ADGRB3: variants seen among roughly 807,000 people sequenced by gnomAD.
ADGRB3 encodes brain-specific angiogenesis inhibitor 3.
In ADGRB3, 37 loss-of-function variants were observed where a neutral mutation model predicts 193.4. The ratio of observed to expected loss-of-function variants is 0.19; its 90% CI spans 0.15 to 0.25. The LOEUF (loss-of-function observed/expected upper bound fraction) is 0.25. ADGRB3 is among the 10% of genes least tolerant of loss of function. ADGRB3 has a pLI of 1.00. For missense variants in ADGRB3, 1,637 were observed against 1,852.9 expected (o/e 0.88, Z 2.14); for synonymous variants, 690 against 644.2 (o/e 1.07, Z -1.08).
intron 15 of ADGRB3, among the ~76,000 whole-genome samples, chr6:69,054,720 T>G (rs1771496053): frequency 6.6e-6 from 1 of 152,200 alleles, no homozygotes; most frequent in Non-Finnish European, 1.5e-5. Flanking sequence ...TCTGATCACT[T>G]GGCATTTTTA....
chr6:68,883,372 A>C (rs2150225303), intron 3 of ADGRB3, among the ~76,000 whole-genome samples: 1 of 152,300 alleles, frequency 6.6e-6, no homozygotes, highest in East Asian at 1.9e-4. Flanking sequence ...GTGGGGTCAG[A>C]TAAGGGAATA....
chr6:68,806,093 T>C (rs1021660718), intron 3 of ADGRB3, among the ~76,000 whole-genome samples: 1 of 152,212 alleles, frequency 6.6e-6, no homozygotes, highest in African/African-American at 2.4e-5. Context: ...ATTTACCAGA[T>C]GTTTAGAAAT....
chr6:68,974,633 T>C (rs1768687008), intron 8 of ADGRB3, 130 bp from the exon 9 acceptor site: 2 of 653,674 alleles, frequency 3.1e-6, no homozygotes, highest in Non-Finnish European at 5.1e-6. Flanking sequence ...AGACCCCATC[T>C]CTAAAAAAAA....
At chr6:69,315,478 C>A (rs927439788) in intron 20 of ADGRB3, among the ~76,000 whole-genome samples, 10 of 151,478 alleles carry the variant, frequency 6.6e-5, no homozygotes, top group African/African-American at 2.4e-4. Context: ...TTATGTATTA[C>A]CTTTGTGCAA....
At chr6:68,788,585 G>A (rs1320409482) in intron 3 of ADGRB3, among the ~76,000 whole-genome samples, 3 of 152,048 alleles carry the variant, frequency 2.0e-5, no homozygotes, top group African/African-American at 4.8e-5. Context: ...TATGTGGTCC[G>A]TTTTGGAGTA....
At chr6:68,807,461 C>G (rs929704043) in intron 3 of ADGRB3, among the ~76,000 whole-genome samples, 3 of 151,844 alleles carry the variant, frequency 2.0e-5, no homozygotes, top group Non-Finnish European at 4.4e-5. Flanking sequence ...AGGATGGTCT[C>G]GATCTCCTGA....
rs1367171114 is a variant in ADGRB3, at chr6:69,075,988, T to C, written c.2437-7T>C. 1.2e-6 allele frequency: 2 copies of C among 1,610,702 alleles called. No individual in the cohort carries two copies. The highest frequency in any genetic ancestry group is 1.1e-5 in the South Asian group (1 of 90,874). The stretch of plus-strand genomic sequence containing the variant: ...ATATATGCATTCTTTCTCTGCTTTT[T>C]TTTTAGGGTACTTTGAATCCCTATT... On this transcript the variant is annotated splice_polypyrimidine_tract_variant and splice_region_variant and intron_variant, in intron 16 of 31. Coordinates refer to ENST00000370598, the MANE Select transcript of ADGRB3 (RefSeq NM_001704.3).
chr6:69,194,884 C>T (rs1222786111), intron 17 of ADGRB3, among the ~76,000 whole-genome samples: 3 of 152,082 alleles, frequency 2.0e-5, no homozygotes, highest in African/African-American at 7.2e-5. Context: ...CTTTCATGTG[C>T]TATTTCATGT....
chr6:69,049,957 A>G (rs1218163945), intron 15 of ADGRB3, among the ~76,000 whole-genome samples: 1 of 152,214 alleles, frequency 6.6e-6, no homozygotes, highest in Non-Finnish European at 1.5e-5. Context: ...CTTATCTACT[A>G]TACCAAATCT....
At chr6:69,162,500 A>G (rs1775024332) in intron 17 of ADGRB3, among the ~76,000 whole-genome samples, 1 of 152,116 alleles carries the variant, frequency 6.6e-6, no homozygotes, top group Admixed American at 6.6e-5. Context: ...CTTCGCCACT[A>G]ACTACATTTC....
At chr6:69,386,393 GA>G (rs1363743105) in intron 31 of ADGRB3, among the ~76,000 whole-genome samples, 1 of 152,038 alleles carries the variant, frequency 6.6e-6, no homozygotes, top group African/African-American at 2.4e-5. Context: ...AGGATTCCCA[GA>G]AATCTCCTTT....
At chr6:69,272,340 T>C (rs1303418002) in intron 20 of ADGRB3, among the ~76,000 whole-genome samples, 2 of 152,170 alleles carry the variant, frequency 1.3e-5, no homozygotes, top group South Asian at 2.1e-4. Flanking sequence ...GAATGCAGTG[T>C]CGTGGTTATT....
At chr6:69,324,591 A>G (rs1283675399) in intron 20 of ADGRB3, among the ~76,000 whole-genome samples, 1 of 152,212 alleles carries the variant, frequency 6.6e-6, no homozygotes, top group Non-Finnish European at 1.5e-5. Context: ...AAGTAAAACA[A>G]TAATTTTAAT....
At chr6:69,183,813 C>G (rs917372229) in intron 17 of ADGRB3, among the ~76,000 whole-genome samples, 2 of 152,064 alleles carry the variant, frequency 1.3e-5, no homozygotes, top group Admixed American at 1.3e-4. Context: ...ATTTCATTGA[C>G]ATGAACAAAC....
chr6:68,924,203 A>G (rs1177097097), intron 3 of ADGRB3, among the ~76,000 whole-genome samples: 1 of 152,088 alleles, frequency 6.6e-6, no homozygotes, highest in East Asian at 1.9e-4. Context: ...TCAATTGCAT[A>G]ATGGATAAGA....
At chr6:69,276,580 C>A (rs1048770873) in intron 20 of ADGRB3, among the ~76,000 whole-genome samples, 1 of 152,056 alleles carries the variant, frequency 6.6e-6, no homozygotes, top group African/African-American at 2.4e-5. Context: ...ATGTGAAGTG[C>A]TTCTCATTTT....
At chr6:69,110,055 C>T (rs906461282) in intron 17 of ADGRB3, among the ~76,000 whole-genome samples, 3 of 150,306 alleles carry the variant, frequency 2.0e-5, no homozygotes, top group Middle Eastern at 3.5e-3. Context: ...TCAAGCGATT[C>T]TCCTGCCTCA....
intron 3 of ADGRB3, among the ~76,000 whole-genome samples, chr6:68,823,555 T>C (rs1447934332): frequency 6.6e-6 from 1 of 152,190 alleles, no homozygotes; most frequent in Admixed American, 6.5e-5. Flanking sequence ...ATACGAATGA[T>C]ATTTTTCTGT....
At chr6:69,118,921 A>G (rs1773608521) in intron 17 of ADGRB3, among the ~76,000 whole-genome samples, 1 of 152,176 alleles carries the variant, frequency 6.6e-6, no homozygotes, top group African/African-American at 2.4e-5. Flanking sequence ...TTCCTCTTAT[A>G]ATGAAGAGTA....
Sources: allele counts gnomAD v4.1 joint callset (sites outside exome capture counted in the v4.1 genomes callset), GRCh38; gene constraint gnomAD v4.1.1; transcripts MANE v1.5; gene names NCBI Gene and HGNC (gene_info 2026-07-23, HGNC 2026-07-21).